APPL2: variants seen among roughly 807,000 people sequenced by gnomAD.
The protein encoded by APPL2 is adaptor protein, phosphotyrosine interacting with PH domain and leucine zipper 2, also known as DCC-interacting protein 13-beta.
APPL2 carries 84 observed loss-of-function variants against 92.7 expected under a neutral mutation model. That is an observed-to-expected ratio of 0.91 (90% confidence interval 0.76 to 1.09). The LOEUF (loss-of-function observed/expected upper bound fraction) is 1.09. Ranked by LOEUF, APPL2 falls within the 50% of genes least tolerant of loss-of-function variation. The pLI is 0.00. For synonymous variants in APPL2, 291 were observed against 291.0 expected (o/e 1.00, Z 0.00); for missense variants, 736 against 824.5 (o/e 0.89, Z 1.31).
intron 14 of APPL2, 108 bp from the exon 15 acceptor site, chr12:105,190,263 T>C: frequency 8.4e-7 from 1 of 1,196,038 alleles, no homozygotes; most frequent in Non-Finnish European, 1.2e-6. Flanking sequence ...GGGGAAAGAT[T>C]GACCTCAATC....
At position 105,190,065 on chromosome 12, in the gene APPL2, G is replaced by T; in HGVS notation, c.1332C>A (p.Ile444=). The change falls in exon 15 of 21, where the codon ATC becomes ATA. Residue 444 remains isoleucine, a synonymous_variant. Coordinates refer to ENST00000258530, the MANE Select transcript of APPL2 (RefSeq NM_018171.5). ...CGAATTGAATCGGCGTTCCAGGCGC[G>T]ATCAGCTCCTCTGCTTCAGGTAGAC... The part of the protein sequence containing the change: ...TASLPEAEEL[I]APGTPIQFDI... The T allele has an allele frequency of 6.2e-7, 1 of 1,614,166 alleles. No individual in the cohort carries two copies. The highest frequency in any genetic ancestry group is 8.5e-7 in the Non-Finnish European group (1 of 1,180,038).
chr12:105,177,648 C>T (rs1345797120), intron 17 of APPL2, among the ~76,000 whole-genome samples: 1 of 152,108 alleles, frequency 6.6e-6, no homozygotes, highest in Non-Finnish European at 1.5e-5. Context: ...GCAAGATCAA[C>T]TTAGTCTAAA....
At chr12:105,181,454 T>C (rs1231672250) in intron 17 of APPL2, among the ~76,000 whole-genome samples, 1 of 152,226 alleles carries the variant, frequency 6.6e-6, no homozygotes, top group African/African-American at 2.4e-5. Flanking sequence ...GGTTTTGGTA[T>C]CAGGATGATG....
Position 105,195,616 on chromosome 12 carries a change from A to G in APPL2, c.1064T>C (p.Leu355Pro). ...ATTTTCCTTTCTGCTCTCAGCCTGG[A>G]GGATTATTCCCCTGAAACAAAAGTG... ...TTPNGKSGII[L>P]QAESRKENEE... The change falls in exon 12 of 21, where the codon CTC becomes CCC. Residue 355 changes from leucine (L) to proline (P), a missense_variant. By Grantham distance (98) the Leu-to-Pro change is moderately conservative (BLOSUM62 -3). Transcript: ENST00000258530. 6.2e-7 allele frequency: 1 copy of G among 1,614,198 alleles called. No homozygotes were observed. Among genetic ancestry groups the G allele is most frequent in the South Asian group, 1.1e-5 (1 of 91,082 alleles).
intron 1 of APPL2, 22 bp downstream of exon 1, chr12:105,235,937 G>A (rs1372604917): frequency 2.4e-6 from 3 of 1,240,014 alleles, no homozygotes; most frequent in Non-Finnish European, 3.0e-6. Context: ...CGGGCGAGGG[G>A]CACCGGAGCG....
chr12:105,196,973 G>A (rs1887700752), intron 11 of APPL2, among the ~76,000 whole-genome samples: 1 of 152,136 alleles, frequency 6.6e-6, no homozygotes, highest in African/African-American at 2.4e-5. Context: ...AAGCTGGGAG[G>A]AGAGACATCA....
intron 17 of APPL2, among the ~76,000 whole-genome samples, chr12:105,179,841 T>C (rs1256615574): frequency 6.6e-6 from 1 of 152,232 alleles, no homozygotes; most frequent in East Asian, 1.9e-4. Context: ...CTTGTAAATG[T>C]GTTTAAGTTC....
At chr12:105,175,322 T>C (rs778949523) in intron 20 of APPL2, among the ~76,000 whole-genome samples, 1 of 152,252 alleles carries the variant, frequency 6.6e-6, no homozygotes, top group Non-Finnish European at 1.5e-5. Context: ...CACTATTTCA[T>C]GTATGTGGCC....
At chr12:105,209,020 T>G (rs985248345) in intron 5 of APPL2, among the ~76,000 whole-genome samples, 2 of 152,236 alleles carry the variant, frequency 1.3e-5, no homozygotes, top group Non-Finnish European at 2.9e-5. Context: ...TTATTCATAC[T>G]CTTTTGGTAT....
intron 8 of APPL2, among the ~76,000 whole-genome samples, chr12:105,204,555 C>G (rs924197783): frequency 6.6e-6 from 1 of 152,100 alleles, no homozygotes; most frequent in African/African-American, 2.4e-5. Context: ...TGTTCTGGCC[C>G]CATGATCTTT....
chr12:105,197,299 G>A (rs1284746319), intron 11 of APPL2, among the ~76,000 whole-genome samples: 3 of 152,166 alleles, frequency 2.0e-5, no homozygotes, highest in Admixed American at 1.3e-4. Context: ...CCTGGCAGCC[G>A]ACGATGCTGC....
chr12:105,204,464 T>A (rs2135995666), intron 8 of APPL2, among the ~76,000 whole-genome samples: 1 of 152,238 alleles, frequency 6.6e-6, no homozygotes, highest in South Asian at 2.1e-4. Flanking sequence ...TGGGAAAGCA[T>A]GTATTCTAAT....
intron 5 of APPL2, among the ~76,000 whole-genome samples, chr12:105,210,139 T>G (rs1889091947): frequency 6.6e-6 from 1 of 152,038 alleles, no homozygotes; most frequent in East Asian, 1.9e-4. Flanking sequence ...TTTTTATAGT[T>G]TTAGTAGAGA....
intron 2 of APPL2, among the ~76,000 whole-genome samples, chr12:105,223,176 G>A (rs183008057): frequency 6.6e-6 from 1 of 152,324 alleles, no homozygotes; most frequent in African/African-American, 2.4e-5. Context: ...GCTGCGGTGT[G>A]GAGGAAGAAT....
chr12:105,231,055 C>T (rs914180184), intron 1 of APPL2, among the ~76,000 whole-genome samples: 2 of 152,298 alleles, frequency 1.3e-5, no homozygotes, highest in Middle Eastern at 3.4e-3. Flanking sequence ...CACATTGTGG[C>T]TTTTTCCTAT....
intron 4 of APPL2, among the ~76,000 whole-genome samples, chr12:105,214,074 G>A (rs1889442027): frequency 6.6e-6 from 1 of 152,110 alleles, no homozygotes; most frequent in Non-Finnish European, 1.5e-5. Context: ...AATCCCAGCT[G>A]CTTGGAAAGG....
Position 105,186,681 on chromosome 12 carries a change from C to CAT in APPL2, c.1634+1590_1634+1591dup, listed in dbSNP as rs373719036. Among the ~76,000 whole-genome samples the CAT allele has an allele frequency of 4.4e-4, 20 of 45,472 alleles. No homozygotes were observed. The South Asian group carries it at 5.5e-3, about 13-fold the overall frequency. 29.8% of individuals were successfully genotyped at this position (45,472 alleles called of 152,430 possible). ...CATATATATCATATATATGATATAT[C>CAT]ATATATATATCATATATCATATCAT... On this transcript the variant is annotated intron_variant, in intron 17 of 20. Coordinates refer to ENST00000258530, the MANE Select transcript of APPL2 (RefSeq NM_018171.5).
At position 105,208,293 on chromosome 12, in the gene APPL2, C is replaced by T. The variant is rs575247698; in HGVS notation, c.374-94G>A. 109 of 1,477,634 alleles carry T rather than the reference C, an allele frequency of 7.4e-5. 1 individual carries two copies. The South Asian group carries it at 1.1e-3, about 15-fold the overall frequency. 91.5% of individuals were successfully genotyped at this position (1,477,634 alleles called of 1,614,324 possible). ...TTTCCCCTGAAAATAAGAGAATATGCGTGCAAGGGAAGCCCCTGCACCCTC... is the reference window on the plus strand; with the variant it reads ...TTTCCCCTGAAAATAAGAGAATATGTGTGCAAGGGAAGCCCCTGCACCCTC... On this transcript the variant is annotated intron_variant, in intron 5 of 20. Coordinates refer to ENST00000258530, the MANE Select transcript of APPL2 (RefSeq NM_018171.5).
At chr12:105,199,586 T>C (rs1887969525) in intron 9 of APPL2, 55 bp from the exon 10 acceptor site, 1 of 1,554,634 alleles carries the variant, frequency 6.4e-7, no homozygotes, top group Non-Finnish European at 8.7e-7. Context: ...CCAGCACTAC[T>C]AAGAAGCCAC....
Sources: allele counts gnomAD v4.1 joint callset (sites outside exome capture counted in the v4.1 genomes callset), GRCh38; gene constraint gnomAD v4.1.1; transcripts MANE v1.5; gene names NCBI Gene and HGNC (gene_info 2026-07-23, HGNC 2026-07-21).